GRM5: variants seen among roughly 807,000 people sequenced by gnomAD.
The protein encoded by GRM5 is glutamate metabotropic receptor 5.
Under a neutral mutation model 83.1 loss-of-function variants are expected in GRM5, and 19 were observed. The ratio of observed to expected loss-of-function variants is 0.23; its 90% confidence interval spans 0.16 to 0.34. The LOEUF (loss-of-function observed/expected upper bound fraction) is 0.34. GRM5 is among the 10% of genes least tolerant of loss of function. GRM5 has a pLI of 1.00. For missense variants in GRM5, 1,160 were observed against 1,588.3 expected (o/e 0.73, Z 4.58); for synonymous variants, 675 against 633.6 (o/e 1.07, Z -0.98).
At chr11:88,988,584 GA>G (rs953730188) in intron 2 of GRM5, among the ~76,000 whole-genome samples, 10 of 150,874 alleles carry the variant, frequency 6.6e-5, no homozygotes, top group Non-Finnish European at 1.2e-4. Flanking sequence ...TGAAATGAAG[GA>G]AAAAATGTTA....
chr11:88,589,376 C>T (rs565987974), intron 7 of GRM5, among the ~76,000 whole-genome samples: 3 of 151,794 alleles, frequency 2.0e-5, no homozygotes, highest in South Asian at 2.1e-4. Context: ...GATTCAAATG[C>T]GATCAAAAGG....
intron 3 of GRM5, among the ~76,000 whole-genome samples, chr11:88,777,714 G>A (rs1942886387): frequency 6.6e-6 from 1 of 152,192 alleles, no homozygotes; most frequent in Non-Finnish European, 1.5e-5. Flanking sequence ...GTCAGTTGGA[G>A]TTTGCTGGAG....
chr11:88,760,110 T>A (rs1030766243), intron 3 of GRM5, among the ~76,000 whole-genome samples: 10 of 151,954 alleles, frequency 6.6e-5, no homozygotes, highest in African/African-American at 2.4e-4. Flanking sequence ...AATACCCACA[T>A]CAAAAAGTTA....
Position 88,652,885 on chromosome 11 carries a change from C to T in GRM5, c.1147+283G>A, listed in dbSNP as rs116227778. Among the ~76,000 whole-genome samples the T allele has an allele frequency of 4.0e-3, 613 of 152,164 alleles. 3 individuals carry two copies. The highest frequency in any genetic ancestry group is 0.014 in the African/African-American group (590 of 41,548). ...TGTCAGAAATAGTTCCATTCTGGAG[C>T]TCATGTGATGTTTTTAGCACAATGC... On this transcript the variant is annotated intron_variant, in intron 4 of 9. Coordinates refer to ENST00000305447, the MANE Select transcript of GRM5 (RefSeq NM_001143831.3).
In GRM5 at chr11:88,711,320, C is replaced by T. The variant is rs561591250; in HGVS notation, c.912-57917G>A. On this transcript the variant is annotated intron_variant, in intron 3 of 9. Coordinates refer to ENST00000305447, the MANE Select transcript of GRM5 (RefSeq NM_001143831.3). ...GTACCTTCCACTGACTGAATTCTACCGCAGCCAAAGGCAAAAGAGCCTACT... is the reference window on the plus strand; with the variant it reads ...GTACCTTCCACTGACTGAATTCTACTGCAGCCAAAGGCAAAAGAGCCTACT... Among the ~76,000 whole-genome samples the T allele has an allele frequency of 2.2e-4, 33 of 152,148 alleles. No individual in the cohort carries two copies. In the East Asian group the frequency reaches 3.7e-3, roughly 17 times the overall value.
intron 4 of GRM5, among the ~76,000 whole-genome samples, chr11:88,632,912 A>G (rs1010970720): frequency 2.6e-5 from 4 of 152,172 alleles, no homozygotes; most frequent in Non-Finnish European, 4.4e-5. Flanking sequence ...TGTGGTATAA[A>G]TTTTTGTTTT....
intron 2 of GRM5, among the ~76,000 whole-genome samples, chr11:88,923,336 T>C (rs917737947): frequency 6.6e-6 from 1 of 152,176 alleles, no homozygotes; most frequent in African/African-American, 2.4e-5. Context: ...AAGGCAAATG[T>C]AGCGCATATA....
At chr11:88,669,186 T>C (rs1419686312) in intron 3 of GRM5, among the ~76,000 whole-genome samples, 2 of 152,144 alleles carry the variant, frequency 1.3e-5, no homozygotes, top group Non-Finnish European at 1.5e-5. Flanking sequence ...GGTATATACA[T>C]ATATAATTAT....
Position 88,998,101 on chromosome 11 carries a change from G to A in GRM5, c.661+49111C>T, listed in dbSNP as rs1046421503. Among the ~76,000 whole-genome samples, 8 of 150,316 alleles carry A rather than the reference G, an allele frequency of 5.3e-5. No individual in the cohort carries two copies. The East Asian group carries it at 7.8e-4, about 15-fold the overall frequency. ...TAGTAAAGAGAGAGAGAGGAGAAGC[G>A]AGCAGTAAAGAAGGAAGGAAGGAAG... On this transcript the variant is annotated intron_variant, in intron 2 of 9. Coordinates refer to ENST00000305447, the MANE Select transcript of GRM5 (RefSeq NM_001143831.3).
At position 88,880,720 on chromosome 11, in the gene GRM5, A is replaced by G. The variant is rs183415442; in HGVS notation, c.662-30565T>C. 4.9e-4 allele frequency among the ~76,000 whole-genome samples: 75 copies of G among 152,298 alleles called. 1 individual carries two copies. Among genetic ancestry groups the G allele is most frequent in the African/African-American group, 1.7e-3 (71 of 41,576 alleles). On this transcript the variant is annotated intron_variant, in intron 2 of 9. Transcript: ENST00000305447. ...ATTTGTTATCCTATCGGGAAATCTT[A>G]AGCAAATAGAATGTTTTAAAGGAAG...
intron 2 of GRM5, among the ~76,000 whole-genome samples, chr11:88,851,145 A>T (rs1275724268): frequency 7.2e-6 from 1 of 138,348 alleles, no homozygotes; most frequent in African/African-American, 2.6e-5. Context: ...TCAGAATTCT[A>T]ATTACATCCG....
At chr11:88,907,537 A>G (rs866401293) in intron 2 of GRM5, among the ~76,000 whole-genome samples, 1 of 152,228 alleles carries the variant, frequency 6.6e-6, no homozygotes, top group Non-Finnish European at 1.5e-5. Flanking sequence ...AAATATTTGT[A>G]TGACTTTAAA....
At chr11:88,757,570 T>G (rs1321412669) in intron 3 of GRM5, among the ~76,000 whole-genome samples, 1 of 151,592 alleles carries the variant, frequency 6.6e-6, no homozygotes, top group Non-Finnish European at 1.5e-5. Flanking sequence ...CCCACCAGTG[T>G]CTCACCCCCA....
chr11:88,635,436 T>G (rs1347473874), intron 4 of GRM5, among the ~76,000 whole-genome samples: 1 of 152,220 alleles, frequency 6.6e-6, no homozygotes, highest in African/African-American at 2.4e-5. Context: ...TGTTAAGCAC[T>G]TTTCATATAT....
intron 2 of GRM5, among the ~76,000 whole-genome samples, chr11:88,967,252 T>TATATATATATATATACAC (rs1555050445): frequency 0.032 from 511 of 16,092 alleles, 1 homozygote; most frequent in Admixed American, 0.041. Flanking sequence ...TATACACATA[T>TATATATATATATATACAC]ATATATATAT....
chr11:88,874,303 GC>G (rs1160232752), intron 2 of GRM5, among the ~76,000 whole-genome samples: 2 of 151,812 alleles, frequency 1.3e-5, no homozygotes, highest in African/African-American at 4.8e-5. Flanking sequence ...CCAGCCAATT[GC>G]TTTTTGACAA....
chr11:88,890,573 A>G (rs1159296050), intron 2 of GRM5, among the ~76,000 whole-genome samples: 2 of 152,184 alleles, frequency 1.3e-5, no homozygotes, highest in Non-Finnish European at 2.9e-5. Flanking sequence ...AAGAAATAAA[A>G]ATAATCTTAA....
At chr11:88,881,806 A>T (rs1319073859) in intron 2 of GRM5, among the ~76,000 whole-genome samples, 1 of 152,210 alleles carries the variant, frequency 6.6e-6, no homozygotes, top group Non-Finnish European at 1.5e-5. Context: ...TTCTGTGAAA[A>T]TTACAAACTA....
At chr11:88,798,825 A>AAAAAAAAAAC (rs777932007) in intron 3 of GRM5, among the ~76,000 whole-genome samples, 3 of 145,308 alleles carry the variant, frequency 2.1e-5, no homozygotes, top group Admixed American at 7.7e-5. Flanking sequence ...AAAAAAAAAA[A>AAAAAAAAAAC]AACAACAACA....
Sources: allele counts gnomAD v4.1 joint callset (sites outside exome capture counted in the v4.1 genomes callset), GRCh38; gene constraint gnomAD v4.1.1; transcripts MANE v1.5; gene names NCBI Gene and HGNC (gene_info 2026-07-23, HGNC 2026-07-21).